Variants in AKT3 observed in about 807,000 individuals in gnomAD.
AKT3 encodes AKT serine/threonine kinase 3.
A neutral mutation model predicts 65.3 loss-of-function variants in AKT3; 15 were observed. That is an observed-to-expected ratio of 0.23 (90% CI 0.15 to 0.35). The LOEUF (loss-of-function observed/expected upper bound fraction) is 0.35, where lower values mean the gene tolerates loss of function less well. AKT3 is among the 10% of genes least tolerant of loss of function. The pLI, the probability that AKT3 is intolerant of heterozygous loss-of-function variation, is 1.00. For missense variants in AKT3, 243 were observed against 576.5 expected (o/e 0.42, Z 5.92); for synonymous variants, 206 against 183.8 (o/e 1.12, Z -0.98).
In AKT3 at chr1:243,746,880, C is replaced by T. The variant is rs150484838; in HGVS notation, c.47-51164G>A. Among the ~76,000 whole-genome samples the T allele has an allele frequency of 2.7e-4, 41 of 150,520 alleles. No individual in the cohort carries two copies. The East Asian group carries it at 7.4e-3, about 27-fold the overall frequency. ...TTTACCTCTGGAGAATTCTTATTGT[C>T]ATGAAGAACATGAACATGGGGGGTG... On this transcript the variant is annotated intron_variant, in intron 2 of 13. Coordinates refer to ENST00000673466, the MANE Select transcript of AKT3 (RefSeq NM_005465.7).
chr1:243,649,066 C>T (rs560977020), intron 4 of AKT3, among the ~76,000 whole-genome samples: 13 of 152,152 alleles, frequency 8.5e-5, no homozygotes, highest in South Asian at 6.2e-4. Flanking sequence ...CATTTAGCTA[C>T]ACCCCACAAA....
Position 243,671,915 on chromosome 1 carries a change from T to C in AKT3, c.173-7032A>G, listed in dbSNP as rs184202727. Among the ~76,000 whole-genome samples the C allele has an allele frequency of 8.8e-4, 134 of 152,352 alleles. 2 individuals are homozygous for C. The highest frequency in any genetic ancestry group is 3.1e-3 in the African/African-American group (129 of 41,590). ...TGCTCTTCTGAAGAGAATACACTGC[T>C]AGGAAAAATGCCTTAAAAATCAGTA... On this transcript the variant is annotated intron_variant, in intron 3 of 13. Transcript: ENST00000673466.
intron 2 of AKT3, among the ~76,000 whole-genome samples, chr1:243,704,994 C>T (rs1050361721): frequency 1.3e-5 from 2 of 152,186 alleles, no homozygotes; most frequent in Non-Finnish European, 2.9e-5. Flanking sequence ...TTACAATTTT[C>T]GTGATTTTGT....
chr1:243,533,943 T>C (rs920240200), intron 12 of AKT3, among the ~76,000 whole-genome samples: 4 of 152,150 alleles, frequency 2.6e-5, no homozygotes, highest in African/African-American at 7.2e-5. Context: ...TGAGCCCAGA[T>C]TGTGCCACTG....
chr1:243,803,415 T>TA (rs1692499333), intron 2 of AKT3, among the ~76,000 whole-genome samples: 1 of 152,140 alleles, frequency 6.6e-6, no homozygotes, highest in African/African-American at 2.4e-5. Context: ...CACATAGAGT[T>TA]ACTTCATTTT....
chr1:243,798,044 G>A (rs373394772), intron 2 of AKT3, among the ~76,000 whole-genome samples: 20 of 150,924 alleles, frequency 1.3e-4, no homozygotes, highest in Non-Finnish European at 2.4e-4. Context: ...CACCACACCC[G>A]TCTAATTTTC....
chr1:243,657,639 A>T (rs1017445094), intron 4 of AKT3, among the ~76,000 whole-genome samples: 42 of 152,284 alleles, frequency 2.8e-4, no homozygotes, highest in African/African-American at 9.1e-4. Flanking sequence ...ACAGAAAAAA[A>T]AAATCCTAAA....
chr1:243,625,993 A>C (rs562773266), intron 6 of AKT3, among the ~76,000 whole-genome samples: 2 of 152,230 alleles, frequency 1.3e-5, no homozygotes, highest in Non-Finnish European at 2.9e-5. Context: ...GCACTCCTCC[A>C]TAGATGACAT....
intron 2 of AKT3, among the ~76,000 whole-genome samples, chr1:243,723,511 T>C (rs1687038443): frequency 6.6e-6 from 1 of 152,186 alleles, no homozygotes; most frequent in Admixed American, 6.5e-5. Flanking sequence ...TCACTTATAT[T>C]ACTACTGATT....
intron 2 of AKT3, among the ~76,000 whole-genome samples, chr1:243,762,244 T>C (rs1431657474): frequency 6.6e-6 from 1 of 152,088 alleles, no homozygotes; most frequent in Non-Finnish European, 1.5e-5. Context: ...CATCTGTTCC[T>C]AAATTTATGT....
At chr1:243,569,175 G>T (rs1574625286) in intron 9 of AKT3, among the ~76,000 whole-genome samples, 1 of 152,148 alleles carries the variant, frequency 6.6e-6, no homozygotes, top group African/African-American at 2.4e-5. Flanking sequence ...GGCATCCAGT[G>T]CCAAAATGTC....
intron 4 of AKT3, among the ~76,000 whole-genome samples, chr1:243,662,376 A>G (rs1682424599): frequency 6.6e-6 from 1 of 152,162 alleles, no homozygotes; most frequent in Non-Finnish European, 1.5e-5. Context: ...CTATGCAGCC[A>G]TAAAAAATGA....
chr1:243,735,897 A>G (rs955634082), intron 2 of AKT3: 25 of 152,254 alleles, frequency 1.6e-4, no homozygotes, highest in African/African-American at 4.8e-4. Flanking sequence ...ATTATTAAAA[A>G]GTAAAATTAT....
chr1:243,835,821 G>GAATTTTTTTTTTTTTTT (rs1694858759), intron 2 of AKT3, among the ~76,000 whole-genome samples: 1 of 151,810 alleles, frequency 6.6e-6, no homozygotes, highest in African/African-American at 2.4e-5. Flanking sequence ...ATGAAGAGAG[G>GAATTTTTTTTTTTTTTT]TATTTTTTTA....
intron 4 of AKT3, among the ~76,000 whole-genome samples, chr1:243,647,040 A>G (rs1558681254): frequency 6.6e-6 from 1 of 152,232 alleles, no homozygotes; most frequent in Non-Finnish European, 1.5e-5. Flanking sequence ...AATTTTGGGA[A>G]AACTACCATC....
chr1:243,512,799 T>C (rs1269607424), intron 12 of AKT3, among the ~76,000 whole-genome samples: 1 of 152,182 alleles, frequency 6.6e-6, no homozygotes, highest in Admixed American at 6.5e-5. Context: ...CTCTTTCTAG[T>C]GCTAGCTGAA....
intron 12 of AKT3, among the ~76,000 whole-genome samples, chr1:243,536,386 CTTGAG>C (rs1470637662): frequency 6.6e-5 from 10 of 152,128 alleles, no homozygotes; most frequent in African/African-American, 1.2e-4. Context: ...TCCAATCCAT[CTTGAG>C]TTAATTCTTG....
Position 243,806,902 on chromosome 1 carries a change from T to C in AKT3, c.46+36223A>G, listed in dbSNP as rs531302351. 7.9e-5 allele frequency among the ~76,000 whole-genome samples: 12 copies of C among 152,246 alleles called. 1 individual carries two copies. The South Asian group carries it at 2.1e-3, about 26-fold the overall frequency. ...AGTAATGCATCTTTCCTTGCAAATATGGATCTCAAATATGGATTACATATG... is the reference window on the plus strand; with the variant it reads ...AGTAATGCATCTTTCCTTGCAAATACGGATCTCAAATATGGATTACATATG... On this transcript the variant is annotated intron_variant, in intron 2 of 13. Coordinates refer to ENST00000673466, the MANE Select transcript of AKT3 (RefSeq NM_005465.7).
intron 2 of AKT3, among the ~76,000 whole-genome samples, chr1:243,840,357 T>G (rs1572439299): frequency 2.1e-5 from 3 of 145,866 alleles, no homozygotes; most frequent in African/African-American, 5.1e-5. Flanking sequence ...CTGCTGGGGG[T>G]GGGGGGCAAG....
Sources: allele counts gnomAD v4.1 joint callset (sites outside exome capture counted in the v4.1 genomes callset), GRCh38; gene constraint gnomAD v4.1.1; transcripts MANE v1.5; gene names NCBI Gene and HGNC (gene_info 2026-07-23, HGNC 2026-07-21).